The following GALC variants were observed in gnomAD, a reference collection of about 807,000 sequenced individuals.
GALC encodes the protein galactocerebrosidase.
Under a neutral mutation model 91.8 loss-of-function variants are expected in GALC, and 77 were observed. The ratio of observed to expected loss-of-function variants is 0.84; its 90% confidence interval spans 0.70 to 1.01. GALC has a LOEUF of 1.01. Among genes scored for constraint, GALC ranks in the 50% least tolerant of loss-of-function variants. The pLI, the probability that GALC is intolerant of heterozygous loss-of-function variation, is 0.00. For missense variants in GALC, 882 were observed against 855.9 expected, an observed-to-expected ratio of 1.03 and a Z score of -0.38; for synonymous variants, 357 against 306.7, an observed-to-expected ratio of 1.16 and a Z score of -1.71.
At chr14:87,966,609 T>G (rs1886065734) in intron 8 of GALC, among the ~76,000 whole-genome samples, 1 of 152,178 alleles carries the variant, frequency 6.6e-6, no homozygotes, top group Non-Finnish European at 1.5e-5. Context: ...CTAGTGAATA[T>G]TTTAAGTTCT....
chr14:87,978,992 C>T (rs1277549040), intron 6 of GALC, among the ~76,000 whole-genome samples: 1 of 152,086 alleles, frequency 6.6e-6, no homozygotes, highest in Admixed American at 6.6e-5. Flanking sequence ...CCAATCTGAG[C>T]ACCTACATTC....
chr14:87,989,458 T>C (rs1017529366), intron 1 of GALC: 2 of 152,252 alleles, frequency 1.3e-5, no homozygotes, highest in Non-Finnish European at 2.9e-5. Flanking sequence ...AGCCACTCTT[T>C]CCATCTACCT....
Position 87,939,970 on chromosome 14 carries a change from T to A in GALC, c.1846A>T (p.Ile616Leu). The change falls in exon 16 of 17, where the codon ATA (isoleucine) becomes TTA (leucine). Residue 616 changes from isoleucine (I) to leucine (L), a missense_variant. Ile to Leu is a conservative substitution (Grantham distance 5). Coordinates refer to ENST00000261304, the MANE Select transcript of GALC (RefSeq NM_000153.4). The stretch of plus-strand genomic sequence containing the variant: ...ACTTCAACACGTCCTAAAGCATATA[T>A]AATCCATCCAGCTGTAACACAAAAA... ...RVTGDLAGWI[I>L]YALGRVEVTA... is the part of the protein sequence containing the mutation. 1 of 1,609,610 alleles carries A rather than the reference T, an allele frequency of 6.2e-7. No individual in the cohort carries two copies. The highest frequency in any genetic ancestry group is 8.5e-7 in the Non-Finnish European group (1 of 1,176,492).
At position 87,970,828 on chromosome 14, in the gene GALC, C is replaced by T. The variant is rs548576273; in HGVS notation, c.753-2338G>A. Among the ~76,000 whole-genome samples, 384 of 144,420 alleles carry T rather than the reference C, an allele frequency of 2.7e-3. 2 individuals are homozygous for T. Among genetic ancestry groups the T allele is most frequent in the African/African-American group, 9.7e-3 (371 of 38,376 alleles). 94.7% of individuals were successfully genotyped at this position (144,420 alleles called of 152,430 possible). A position where few individuals can be genotyped will look rare whatever the true frequency, so the allele number is the denominator to read the frequency against. ...AGCTTGCAGTGAGCCGAGATTGCGCCACTGCACTCCAGCCTGGGCGACAGA... is the reference window on the plus strand; with the variant it reads ...AGCTTGCAGTGAGCCGAGATTGCGCTACTGCACTCCAGCCTGGGCGACAGA... On this transcript the variant is annotated intron_variant, in intron 7 of 16. Coordinates refer to ENST00000261304, the MANE Select transcript of GALC (RefSeq NM_000153.4).
Position 87,991,837 on chromosome 14 carries a change from G to A in GALC, c.195+1133C>T, listed in dbSNP as rs1014640895. On this transcript the variant is annotated intron_variant, in intron 1 of 16. Coordinates refer to ENST00000261304, the MANE Select transcript of GALC (RefSeq NM_000153.4). The stretch of plus-strand genomic sequence containing the variant: ...ATGGAAACAAAGACTTCCATTTTTC[G>A]GTAAGCTCTTACCCTAGATATAGTA... Among the ~76,000 whole-genome samples the A allele has an allele frequency of 3.3e-5, 5 of 152,056 alleles. No homozygotes were observed. The East Asian group carries it at 7.7e-4, about 23-fold the overall frequency.
intron 1 of GALC, among the ~76,000 whole-genome samples, chr14:87,989,205 T>C (rs146458786): frequency 1.7e-3 from 256 of 152,194 alleles, no homozygotes; most frequent in African/African-American, 5.8e-3. Flanking sequence ...AAGAGGCCGG[T>C]TTTTGGCATG....
At chr14:87,961,008 AC>A (rs112024178) in intron 10 of GALC, among the ~76,000 whole-genome samples, 17,197 of 152,238 alleles carry the variant, frequency 0.11, 1,139 homozygotes, top group Non-Finnish European at 0.16. Context: ...TTCAAAGGGT[AC>A]CATTAAGAAA....
At chr14:87,980,335 T>C (rs1193240550) in intron 6 of GALC, among the ~76,000 whole-genome samples, 2 of 147,686 alleles carry the variant, frequency 1.4e-5, no homozygotes, top group African/African-American at 2.5e-5. Context: ...TGAGCCAAGA[T>C]GGCGCCATTG....
intron 3 of GALC, chr14:87,987,079 G>T: frequency 2.7e-6 from 1 of 375,270 alleles, no homozygotes; most frequent in South Asian, 2.2e-5. Flanking sequence ...AGAGTTTTGA[G>T]GAAAAAAAAA....
intron 10 of GALC, chr14:87,954,094 G>A: frequency 1.2e-6 from 2 of 1,609,740 alleles, no homozygotes; most frequent in Non-Finnish European, 1.7e-6. Flanking sequence ...AATCTTGGGA[G>A]TTATTCATCT....
At chr14:87,982,770 A>G (rs966123819) in intron 5 of GALC, among the ~76,000 whole-genome samples, 1 of 152,258 alleles carries the variant, frequency 6.6e-6, no homozygotes. Flanking sequence ...GTTTAGAGTC[A>G]TGAAGCATGG....
chr14:87,992,391 C>T, intron 1 of GALC: 1 of 1,535,696 alleles, frequency 6.5e-7, no homozygotes. Flanking sequence ...TTAAAGAGAC[C>T]TTGAGGCACC....
chr14:87,953,431 A>T, intron 10 of GALC: 1 of 1,491,184 alleles, frequency 6.7e-7, no homozygotes. Flanking sequence ...TGAACATTTT[A>T]GTCCTGTTTT....
chr14:87,969,046 A>C (rs377142134), intron 7 of GALC, among the ~76,000 whole-genome samples: 7 of 152,286 alleles, frequency 4.6e-5, no homozygotes, highest in Admixed American at 2.0e-4. Context: ...AAAACAAAAA[A>C]CAAAACCCAC....
In GALC at chr14:87,939,920, G is replaced by C. The variant is rs1884764241; in HGVS notation, c.1896C>G (p.Leu632=). The change falls in exon 16 of 17, where the codon CTC becomes CTG. Residue 632 remains leucine, a synonymous_variant. Coordinates refer to ENST00000261304, the MANE Select transcript of GALC (RefSeq NM_000153.4). ...CAATACTTACCTTAATAGTTAACGT[G>C]AGTGTATACCATTTTTTTGCTGTAA... is the stretch of plus-strand genomic sequence containing the variant. ...VEVTAKKWYT[L]TLTIKGHFTS... 2 of 1,606,970 alleles carry C rather than the reference G, an allele frequency of 1.2e-6. No individual in the cohort carries two copies. Among genetic ancestry groups the C allele is most frequent in the Admixed American group, 3.3e-5 (2 of 59,854 alleles).
chr14:87,945,418 C>A, intron 14 of GALC, 135 bp downstream of exon 14: 1 of 739,860 alleles, frequency 1.4e-6, no homozygotes, highest in Non-Finnish European at 2.4e-6. Context: ...TATTCAACAA[C>A]CCTTAATATT....
At chr14:87,943,736 C>T (rs571411139) in intron 14 of GALC, among the ~76,000 whole-genome samples, 1 of 152,054 alleles carries the variant, frequency 6.6e-6, no homozygotes, top group South Asian at 2.1e-4. Context: ...ATTTTTATTC[C>T]CTCCTTTTCC....
chr14:87,948,829 T>C lies in GALC; in HGVS notation c.1339-951A>G, dbSNP rs114026841. ...GAACTTAATACATAATAAGGTGTTT[T>C]ATCACTGTTAGTGACTAGTTGGTTA... On this transcript the variant is annotated intron_variant, in intron 12 of 16. Transcript: ENST00000261304. Among the ~76,000 whole-genome samples, 677 of 152,146 alleles carry C rather than the reference T, an allele frequency of 4.4e-3. 4 individuals are homozygous for C. The highest frequency in any genetic ancestry group is 0.015 in the African/African-American group (641 of 41,538).
chr14:87,980,528 C>A (rs1248379462), intron 6 of GALC: 3 of 977,342 alleles, frequency 3.1e-6, no homozygotes, highest in African/African-American at 1.8e-5. Flanking sequence ...GTTCTTTGCA[C>A]ATGATATGCC....
Sources: allele counts gnomAD v4.1 joint callset (sites outside exome capture counted in the v4.1 genomes callset), GRCh38; gene constraint gnomAD v4.1.1; transcripts MANE v1.5; gene names NCBI Gene and HGNC (gene_info 2026-07-23, HGNC 2026-07-21).